Variants in TRIM37 observed in about 807,000 individuals in gnomAD.
TRIM37 encodes the protein tripartite motif containing 37.
A neutral mutation model predicts 129.8 loss-of-function variants in TRIM37; 80 were observed. The ratio of observed to expected loss-of-function variants is 0.62; its 90% CI spans 0.51 to 0.74. The LOEUF (loss-of-function observed/expected upper bound fraction) is 0.74. Among genes scored for constraint, TRIM37 ranks in the 30% least tolerant of loss-of-function variants. The pLI is 0.00. For synonymous variants in TRIM37, 389 were observed against 387.1 expected, an observed-to-expected ratio of 1.00 and a Z score of -0.06; for missense variants, 1,054 against 1,176.5, an observed-to-expected ratio of 0.90 and a Z score of 1.52.
intron 17 of TRIM37, among the ~76,000 whole-genome samples, chr17:59,036,487 C>CGCGTGTGTTTTAAGAGACAGGGTCTT (rs2038523540): frequency 7.9e-6 from 1 of 126,318 alleles, no homozygotes; most frequent in Admixed American, 7.7e-5. Context: ...TGTGTGTGCA[C>CGCGTGTGTTTTAAGAGACAGGGTCTT]GCGTGTGTTT....
At chr17:58,984,295 G>C (rs973864918) in intron 24 of TRIM37, 1 of 152,568 alleles carries the variant, frequency 6.6e-6, no homozygotes, top group African/African-American at 2.4e-5. Flanking sequence ...CTCCACTGTT[G>C]AAACACTGTG....
chr17:58,968,570 C>G, the TRIM37 span, among the ~76,000 whole-genome samples: 2 of 152,170 alleles, frequency 1.3e-5, no homozygotes, highest in African/African-American at 4.8e-5. Context: ...CAATGACAGG[C>G]CTGGACTCCT....
At chr17:59,034,539 A>G (rs938588115) in intron 17 of TRIM37, among the ~76,000 whole-genome samples, 3 of 151,744 alleles carry the variant, frequency 2.0e-5, no homozygotes, top group Non-Finnish European at 2.9e-5. Context: ...TTGTATTTTT[A>G]GTAGAGACGG....
intron 21 of TRIM37, among the ~76,000 whole-genome samples, chr17:59,013,987 GA>G (rs574979015): frequency 1.5e-4 from 21 of 143,086 alleles, no homozygotes; most frequent in East Asian, 4.0e-4. Context: ...TTACACTCTA[GA>G]AAAAAAAAAA....
chr17:58,985,825 T>C (rs2031753387), intron 24 of TRIM37, among the ~76,000 whole-genome samples: 1 of 152,156 alleles, frequency 6.6e-6, no homozygotes, highest in South Asian at 2.1e-4. Flanking sequence ...CCTAAATTCA[T>C]TCAGTCCTTG....
intron 22 of TRIM37, 128 bp from the exon 23 acceptor site, chr17:59,001,842 A>G: frequency 7.7e-7 from 1 of 1,297,300 alleles, no homozygotes; most frequent in Non-Finnish European, 1.1e-6. Flanking sequence ...AATTCAACAA[A>G]CTAAACACTA....
chr17:59,089,993 A>G, intron 3 of TRIM37: 1 of 152,274 alleles, frequency 6.6e-6, no homozygotes, highest in South Asian at 2.1e-4. Flanking sequence ...CCAGTTAGGA[A>G]GGAGGTTGAG....
At chr17:59,047,906 A>C in intron 15 of TRIM37, 87 bp from the exon 16 acceptor site, 2 of 1,508,748 alleles carry the variant, frequency 1.3e-6, no homozygotes, top group Non-Finnish European at 1.8e-6. Flanking sequence ...CCAAGCACCA[A>C]AGAATAATAC....
chr17:58,967,515 T>TAGAG, the TRIM37 span, among the ~76,000 whole-genome samples: 37 of 149,108 alleles, frequency 2.5e-4, no homozygotes, highest in African/African-American at 9.0e-4. Flanking sequence ...TATATATATA[T>TAGAG]ATATAGAGAG....
intron 14 of TRIM37, 120 bp downstream of exon 14, chr17:59,051,094 T>G: frequency 1.4e-6 from 1 of 723,706 alleles, no homozygotes; most frequent in East Asian, 2.8e-5. Context: ...AACTAGATTT[T>G]TTTTCTAATT....
At chr17:59,011,228 A>T (rs2035222618) in intron 22 of TRIM37, among the ~76,000 whole-genome samples, 1 of 152,094 alleles carries the variant, frequency 6.6e-6, no homozygotes, top group African/African-American at 2.4e-5. Context: ...TTCTATAAAG[A>T]TCTTCAATCA....
intron 19 of TRIM37, among the ~76,000 whole-genome samples, chr17:59,026,158 C>T (rs2037227783): frequency 6.6e-6 from 1 of 152,112 alleles, no homozygotes; most frequent in Non-Finnish European, 1.5e-5. Context: ...TAAAACCATT[C>T]AATGAGGAAA....
chr17:59,050,958 C>T (rs982410704), intron 14 of TRIM37, among the ~76,000 whole-genome samples: 1 of 151,888 alleles, frequency 6.6e-6, no homozygotes, highest in Non-Finnish European at 1.5e-5. Flanking sequence ...CCAGCCTGGG[C>T]AACAGAGCGA....
In TRIM37 at chr17:59,056,902, T is replaced by G; in HGVS notation, c.1172A>C (p.Asn391Thr). Residue 391 changes from asparagine to threonine, a missense_variant, in exon 13 of 24, where the codon AAT (asparagine) becomes ACT (threonine). Physicochemically the swap from Asn to Thr is moderately conservative, Grantham distance 65. Coordinates refer to ENST00000262294, the MANE Select transcript of TRIM37 (RefSeq NM_015294.6). ...LDLLANEGYL[N>T]PQNDTVILRF... ...TAAAATCACTGTATCATTTTGTGGA[T>G]TCAAGTATCCTTCATTTGCGAGTAA... 6.2e-7 allele frequency: 1 copy of G among 1,613,810 alleles called. No homozygotes were observed. The highest frequency in any genetic ancestry group is 1.1e-5 in the South Asian group (1 of 91,054).
chr17:59,049,890 C>T (rs1025472829), intron 14 of TRIM37, among the ~76,000 whole-genome samples: 1 of 152,168 alleles, frequency 6.6e-6, no homozygotes, highest in Admixed American at 6.5e-5. Flanking sequence ...TATGCTCATC[C>T]TCCTTCTTTC....
intron 8 of TRIM37, among the ~76,000 whole-genome samples, chr17:59,071,592 A>C (rs1236212180): frequency 6.6e-6 from 1 of 152,062 alleles, no homozygotes; most frequent in Non-Finnish European, 1.5e-5. Flanking sequence ...ACCAAGGTGA[A>C]AGCTTTTAAA....
In TRIM37 at chr17:59,083,877, T is replaced by C. The variant is rs530440810; in HGVS notation, c.369+125A>G. ...AGTACAATACCTTTAATAAAGCGTATAGAAAGCAGATGCATTTTAACTTTC... is the reference window on the plus strand; with the variant it reads ...AGTACAATACCTTTAATAAAGCGTACAGAAAGCAGATGCATTTTAACTTTC... On this transcript the variant is annotated intron_variant, in intron 5 of 23. Coordinates refer to ENST00000262294, the MANE Select transcript of TRIM37 (RefSeq NM_015294.6). 4.0e-5 allele frequency: 32 copies of C among 798,046 alleles called. No homozygotes were observed. In the East Asian group the frequency reaches 6.6e-4, roughly 16 times the overall value. The allele number at this position is 798,046 out of a possible 1,614,324, so 49.4% of individuals were successfully genotyped here.
intron 5 of TRIM37, among the ~76,000 whole-genome samples, chr17:59,082,495 A>G (rs2147092463): frequency 6.6e-6 from 1 of 152,260 alleles, no homozygotes; most frequent in South Asian, 2.1e-4. Context: ...AGTCTTTACC[A>G]CAGCTGAATG....
chr17:59,055,332 C>CAAAA (rs34519741), intron 13 of TRIM37, among the ~76,000 whole-genome samples: 7 of 65,658 alleles, frequency 1.1e-4, no homozygotes, highest in Admixed American at 3.9e-4. Flanking sequence ...AACTCTGTCT[C>CAAAA]AAAAAAAAAA....
Sources: allele counts gnomAD v4.1 joint callset (sites outside exome capture counted in the v4.1 genomes callset), GRCh38; gene constraint gnomAD v4.1.1; transcripts MANE v1.5; gene names NCBI Gene and HGNC (gene_info 2026-07-23, HGNC 2026-07-21).